Variants in VCF1 observed in about 807,000 individuals in gnomAD.
VCF1 encodes the protein protein VCF1.
At chr17:73,222,365 T>C in the VCF1 span, among the ~76,000 whole-genome samples, 1 of 152,132 alleles carries the variant, frequency 6.6e-6, no homozygotes, top group Non-Finnish European at 1.5e-5. Context: ...TTTTTGTTTT[T>C]TTTCTTGCTA....
chr17:73,224,226 C>T, the VCF1 span, among the ~76,000 whole-genome samples: 5 of 119,462 alleles, frequency 4.2e-5, no homozygotes, highest in Non-Finnish European at 8.1e-5. Flanking sequence ...CAAGAGTTCA[C>T]GACCAGCCTG....
the VCF1 span, chr17:73,209,414 GA>G: frequency 7.7e-7 from 1 of 1,303,742 alleles, no homozygotes. Context: ...AATATAGACT[GA>G]AAAGCCAACA....
the VCF1 span, chr17:73,227,413 G>T: frequency 1.5e-6 from 1 of 669,468 alleles, no homozygotes; most frequent in Non-Finnish European, 2.3e-6. Flanking sequence ...GTTATCAGTT[G>T]GAAGTACAGC....
chr17:73,219,337 CT>C, the VCF1 span, among the ~76,000 whole-genome samples: 8 of 152,052 alleles, frequency 5.3e-5, no homozygotes, highest in African/African-American at 1.7e-4. Flanking sequence ...CTGTTCCTCC[CT>C]TTTGAATGGA....
At chr17:73,210,757 AT>A in the VCF1 span, among the ~76,000 whole-genome samples, 81,273 of 134,990 alleles carry the variant, frequency 0.6, 23,948 homozygotes, top group Non-Finnish European at 0.63. Context: ...ATGCCTCGTT[AT>A]TTTTTTTTTT....
the VCF1 span, chr17:73,209,775 G>A: frequency 2.2e-5 from 34 of 1,539,862 alleles, 1 homozygote; most frequent in Non-Finnish European, 3.0e-5. Context: ...AAGACTGGAA[G>A]GAAGAAGAAA....
chr17:73,220,394 C>A, the VCF1 span, among the ~76,000 whole-genome samples: 1 of 152,106 alleles, frequency 6.6e-6, no homozygotes, highest in African/African-American at 2.4e-5. Flanking sequence ...AAAAATTTTG[C>A]CTTCTAGTAG....
chr17:73,211,809 G>C, the VCF1 span, among the ~76,000 whole-genome samples: 1 of 152,110 alleles, frequency 6.6e-6, no homozygotes, highest in Non-Finnish European at 1.5e-5. Context: ...GCAGTGAGCC[G>C]AGATCACGCC....
chr17:73,221,714 C>T, the VCF1 span, among the ~76,000 whole-genome samples: 1 of 152,054 alleles, frequency 6.6e-6, no homozygotes, highest in Non-Finnish European at 1.5e-5. Context: ...CATGAGGAGA[C>T]CCCCATCTCC....
chr17:73,209,473 A>G, the VCF1 span: 1 of 1,518,260 alleles, frequency 6.6e-7, no homozygotes, highest in Non-Finnish European at 8.9e-7. Context: ...TGTAAGTTGA[A>G]ATATCAAATC....
chr17:73,208,762 T>C, the VCF1 span: 1 of 417,562 alleles, frequency 2.4e-6, no homozygotes, highest in African/African-American at 2.0e-5. Flanking sequence ...ACCAAGTTTG[T>C]AGGACAAAAA....
At chr17:73,208,555 C>A in the VCF1 span, 2 of 1,380,418 alleles carry the variant, frequency 1.4e-6, no homozygotes, top group Non-Finnish European at 2.0e-6. Flanking sequence ...TTTCCAGTTT[C>A]ACTGATGGAA....
chr17:73,217,746 T>C, the VCF1 span, among the ~76,000 whole-genome samples: 1 of 147,434 alleles, frequency 6.8e-6, no homozygotes, highest in Non-Finnish European at 1.5e-5. Context: ...CTGAGGCAGG[T>C]GGATTGCCTG....
the VCF1 span, among the ~76,000 whole-genome samples, chr17:73,211,516 C>T: frequency 1.4e-5 from 2 of 147,984 alleles, no homozygotes; most frequent in Non-Finnish European, 3.0e-5. Context: ...TGCAGTGAGC[C>T]GAGATCGCGC....
the VCF1 span, chr17:73,208,646 T>G: frequency 1.5e-6 from 1 of 686,676 alleles, no homozygotes; most frequent in East Asian, 2.7e-5. Flanking sequence ...ACTTGTTGCT[T>G]TAGACATCAG....
At chr17:73,220,730 C>G in the VCF1 span, among the ~76,000 whole-genome samples, 6 of 150,730 alleles carry the variant, frequency 4.0e-5, 1 homozygote, top group Non-Finnish European at 5.9e-5. Flanking sequence ...TAGACATGGC[C>G]CGGCAGCCAC....
At chr17:73,216,606 C>A in the VCF1 span, among the ~76,000 whole-genome samples, 1 of 151,694 alleles carries the variant, frequency 6.6e-6, no homozygotes, top group Non-Finnish European at 1.5e-5. Flanking sequence ...TCTGAAGAGC[C>A]GAAAAGAAGG....
the VCF1 span, chr17:73,207,450 C>T: frequency 2.9e-4 from 203 of 701,408 alleles, no homozygotes; most frequent in African/African-American, 3.0e-3. Flanking sequence ...AAAAGATGCC[C>T]GCTGACACTA....
chr17:73,225,128 G>A, the VCF1 span, among the ~76,000 whole-genome samples: 1 of 146,952 alleles, frequency 6.8e-6, no homozygotes, highest in Non-Finnish European at 1.5e-5. Context: ...CTACCAGTGA[G>A]TTCAGACAGA....
Sources: gnomAD v4.1 joint callset for allele counts (sites outside exome capture counted in the v4.1 genomes callset) on GRCh38, gnomAD v4.1.1 for gene constraint, MANE v1.5 for transcripts, NCBI Gene and HGNC (gene_info 2026-07-23, HGNC 2026-07-21) for gene names.